The following NCOA7 variants were observed in gnomAD, a reference collection of about 807,000 sequenced individuals.
NCOA7 encodes the protein nuclear receptor coactivator 7.
Under a neutral mutation model 104.3 loss-of-function variants are expected in NCOA7, and 45 were observed. That is an observed-to-expected ratio of 0.43 (90% CI 0.34 to 0.55). The LOEUF is 0.55. Among genes scored for constraint, NCOA7 ranks in the 20% least tolerant of loss-of-function variants. The pLI is 0.02. For synonymous variants in NCOA7, 398 were observed against 402.3 expected, an observed-to-expected ratio of 0.99 and a Z score of 0.13; for missense variants, 1,041 against 1,119.7, an observed-to-expected ratio of 0.93 and a Z score of 1.00.
intron 11 of NCOA7, chr6:125,919,258 T>TGTAGCTCAGCGTGGCTAC: frequency 6.2e-7 from 1 of 1,609,986 alleles, no homozygotes; most frequent in Non-Finnish European, 8.5e-7. Context: ...AGAAAACAGT[T>TGTAGCTCAGCGTGGCTAC]GTAGCTCAGC....
intron 1 of NCOA7, among the ~76,000 whole-genome samples, chr6:125,796,347 T>G: frequency 3.3e-5 from 1 of 30,284 alleles, no homozygotes; most frequent in East Asian, 1.6e-3. Flanking sequence ...CCCACCCACC[T>G]CAATATAAAT....
chr6:125,866,353 T>A (rs575454641), intron 3 of NCOA7, among the ~76,000 whole-genome samples: 5 of 152,072 alleles, frequency 3.3e-5, no homozygotes, highest in Non-Finnish European at 7.4e-5. Flanking sequence ...AAAAAAGATA[T>A]ATAACTTTAT....
chr6:125,808,812 G>C (rs566682039), intron 1 of NCOA7, among the ~76,000 whole-genome samples: 2 of 152,190 alleles, frequency 1.3e-5, no homozygotes, highest in East Asian at 3.8e-4. Flanking sequence ...CTTATAAAAT[G>C]ATCTGTCTAG....
intron 1 of NCOA7, among the ~76,000 whole-genome samples, chr6:125,812,619 C>A (rs1311274502): frequency 6.6e-6 from 1 of 152,152 alleles, no homozygotes; most frequent in African/African-American, 2.4e-5. Flanking sequence ...ATTTCTAATT[C>A]CTTTCCTCTA....
In NCOA7 at chr6:125,876,264, A is replaced by G. The variant is rs564538018; in HGVS notation, c.351+1296A>G. Among the ~76,000 whole-genome samples, 5 of 152,350 alleles carry G rather than the reference A, an allele frequency of 3.3e-5. No individual in the cohort carries two copies. The East Asian group carries it at 5.8e-4, about 18-fold the overall frequency. ...TTGAAGATCTCTGTCACAGGCTTTC[A>G]TGATCAATGCCCTGTGAACGTCTCT... On this transcript the variant is annotated intron_variant, in intron 4 of 15. Coordinates refer to ENST00000392477, the MANE Select transcript of NCOA7 (RefSeq NM_181782.5).
Position 125,784,663 on chromosome 6 carries a change from TA to T in NCOA7, c.-141-1471del, listed in dbSNP as rs150460887. On this transcript the variant is annotated intron_variant, in intron 1 of 16. Coordinates refer to the NCOA7 transcript ENST00000368357. The stretch of plus-strand genomic sequence containing the variant: ...AAATGCCCTTCAATGGGTGAATGGT[TA>T]AACAAACTGTGGTACATCGATATGC... Among the ~76,000 whole-genome samples the T allele has an allele frequency of 1.7e-4, 26 of 152,298 alleles. No individual in the cohort carries two copies. In the East Asian group the frequency reaches 4.4e-3, roughly 26 times the overall value.
chr6:125,854,395 TAATC>T (rs796243479), intron 2 of NCOA7, among the ~76,000 whole-genome samples: 3 of 152,322 alleles, frequency 2.0e-5, no homozygotes, highest in South Asian at 2.1e-4. Context: ...TGTTAACTAA[TAATC>T]AAATAATCAG....
chr6:125,896,678 G>T (rs2128666529), intron 10 of NCOA7, among the ~76,000 whole-genome samples: 1 of 152,248 alleles, frequency 6.6e-6, no homozygotes, highest in East Asian at 1.9e-4. Flanking sequence ...GTAGTTCCCA[G>T]CTACTCAAGA....
chr6:125,872,442 T>C (rs996852172), intron 3 of NCOA7, among the ~76,000 whole-genome samples: 5 of 152,188 alleles, frequency 3.3e-5, no homozygotes, highest in Non-Finnish European at 7.3e-5. Flanking sequence ...TACAAAATTA[T>C]ATAAAGAGAC....
intron 1 of NCOA7, among the ~76,000 whole-genome samples, chr6:125,800,412 A>G (rs1469757014): frequency 6.6e-6 from 1 of 152,236 alleles, no homozygotes; most frequent in Non-Finnish European, 1.5e-5. Flanking sequence ...TACAGAGGAC[A>G]TGTTTTTATA....
chr6:125,863,011 A>C (rs909340053), intron 3 of NCOA7, among the ~76,000 whole-genome samples: 2 of 139,400 alleles, frequency 1.4e-5, no homozygotes, highest in Non-Finnish European at 3.1e-5. Context: ...ACAAAAAAAC[A>C]AACAAAAAAC....
intron 10 of NCOA7, among the ~76,000 whole-genome samples, chr6:125,911,313 C>T (rs1786529223): frequency 6.6e-6 from 1 of 152,220 alleles, no homozygotes; most frequent in Non-Finnish European, 1.5e-5. Flanking sequence ...ATTATGCAAG[C>T]CCTGCCTCAG....
intron 1 of NCOA7, among the ~76,000 whole-genome samples, chr6:125,805,981 C>T (rs943355567): frequency 1.3e-5 from 2 of 152,326 alleles, no homozygotes; most frequent in Admixed American, 6.5e-5. Flanking sequence ...AATTAGGTAA[C>T]TTACCCAAGG....
chr6:125,811,895 G>A (rs1145989), intron 1 of NCOA7, among the ~76,000 whole-genome samples: 8,120 of 152,120 alleles, frequency 0.053, 693 homozygotes, highest in African/African-American at 0.18. Context: ...TGTTGACTCC[G>A]GACTACTTTT....
intron 2 of NCOA7, among the ~76,000 whole-genome samples, chr6:125,853,908 C>T (rs1277122919): frequency 6.6e-6 from 1 of 152,158 alleles, no homozygotes; most frequent in Non-Finnish European, 1.5e-5. Context: ...ACCTCTCTAG[C>T]CTGCCAAATT....
intron 1 of NCOA7, among the ~76,000 whole-genome samples, chr6:125,783,955 A>G (rs886986113): frequency 1.3e-5 from 2 of 152,216 alleles, no homozygotes; most frequent in East Asian, 3.8e-4. Flanking sequence ...GTTCCATATC[A>G]TTGGGCATTT....
chr6:125,801,444 G>T (rs1775878464), intron 1 of NCOA7, among the ~76,000 whole-genome samples: 3 of 152,134 alleles, frequency 2.0e-5, no homozygotes, highest in Non-Finnish European at 2.9e-5. Context: ...AAAGTTTTTG[G>T]AGCAGTATCC....
intron 5 of NCOA7, among the ~76,000 whole-genome samples, chr6:125,879,653 T>C (rs1783656372): frequency 6.6e-6 from 1 of 152,196 alleles, no homozygotes; most frequent in Admixed American, 6.5e-5. Context: ...TAATCAGTTG[T>C]TATATGATTA....
At chr6:125,913,601 T>C (rs2128687607) in intron 10 of NCOA7, 1 of 936,300 alleles carries the variant, frequency 1.1e-6, no homozygotes, top group African/African-American at 1.8e-5. Flanking sequence ...ACATGTCATA[T>C]ACACTGATAC....
Sources: gnomAD v4.1 joint callset for allele counts (sites outside exome capture counted in the v4.1 genomes callset) on GRCh38, gnomAD v4.1.1 for gene constraint, MANE v1.5 for transcripts, NCBI Gene and HGNC (gene_info 2026-07-23, HGNC 2026-07-21) for gene names.